NOC2L: variants seen among roughly 807,000 people sequenced by gnomAD.
The protein encoded by NOC2L is NOC2 like nucleolar associated transcriptional repressor, also known as nucleolar complex protein 2 homolog.
A neutral mutation model predicts 94.2 loss-of-function variants in NOC2L; 101 were observed. The ratio of observed to expected loss-of-function variants is 1.07; its 90% confidence interval spans 0.91 to 1.26. The LOEUF is 1.26. Ranked by LOEUF, NOC2L falls within the 50% of genes most tolerant of loss-of-function variation. The pLI, the probability that NOC2L is intolerant of heterozygous loss-of-function variation, is 0.00. For synonymous variants in NOC2L, 531 were observed against 413.4 expected, an observed-to-expected ratio of 1.28 and a Z score of -3.45; for missense variants, 1,076 against 980.1, an observed-to-expected ratio of 1.10 and a Z score of -1.31.
At chr1:951,272 C>A (rs370694561) in intron 11 of NOC2L, 34 bp from the exon 12 acceptor site, 2 of 1,480,886 alleles carry the variant, frequency 1.4e-6, no homozygotes, top group East Asian at 2.4e-5. Context: ...GCAGAGGCCC[C>A]GGCTCTGGCA....
In NOC2L at chr1:956,196, A is replaced by G. The variant is rs777542528; in HGVS notation, c.506T>C (p.Leu169Pro). The G allele has an allele frequency of 5.6e-6, 9 of 1,613,804 alleles. No homozygotes were observed. The highest frequency in any genetic ancestry group is 1.3e-5 in the African/African-American group (1 of 75,026). Residue 169 changes from leucine to proline, a missense_variant, in exon 5 of 19, where the codon CTG (leucine) becomes CCG (proline). Transcript: ENST00000327044. ...GAACGCCTGTACCACTTCATGGAACAGCTTTGGAGTGAGGCGTTGCTGAAG... is the reference window on the plus strand; with the variant it reads ...GAACGCCTGTACCACTTCATGGAACGGCTTTGGAGTGAGGCGTTGCTGAAG... The part of the protein sequence containing the change: ...QAAKQRLTPK[L>P]FHEVVQAFRA...
chr1:946,538 G>A lies in NOC2L; in HGVS notation c.1667C>T (p.Ser556Leu), dbSNP rs35471880. 96,481 of 1,611,394 alleles carry A rather than the reference G, an allele frequency of 0.06. 3,350 individuals carry two copies. Among genetic ancestry groups the A allele is most frequent in the Non-Finnish European group, 0.069 (81,330 of 1,178,562 alleles). ...GGCCACCTTGCACTCCCGGAGGAAC[G>A]ACTTCAGCTGCGGAAGGGAGGGGTC... ...LVLPVVLQLKSFLRECKVANY... is the reference protein window; with the variant it reads ...LVLPVVLQLKLFLRECKVANY... Residue 556 changes from serine to leucine, a missense_variant, in exon 15 of 19, where the codon TCG (serine) becomes TTG (leucine). Ser to Leu is a moderately radical substitution (Grantham distance 145). Transcript: ENST00000327044.
Position 944,372 on chromosome 1 carries a change from G to C in NOC2L, c.*322C>G. The C allele has an allele frequency of 7.4e-7, 1 of 1,358,466 alleles. No individual in the cohort carries two copies. The highest frequency in any genetic ancestry group is 2.7e-4 in the Middle Eastern group (1 of 3,722). 84.2% of individuals were successfully genotyped at this position (1,358,466 alleles called of 1,614,324 possible). A position where few individuals can be genotyped will look rare whatever the true frequency, so the allele number is the denominator to read the frequency against. On this transcript the variant is annotated 3_prime_UTR_variant, in exon 19 of 19. Coordinates refer to ENST00000327044, the MANE Select transcript of NOC2L (RefSeq NM_015658.4). ...GGACGAGGTCTGCAGACGGAGGGCA[G>C]AGGTGGTGGAAGGGGCCAGGGGCCT...
chr1:945,711 G>T (rs1642087649), intron 16 of NOC2L, 58 bp from the exon 17 acceptor site: 2 of 1,610,928 alleles, frequency 1.2e-6, no homozygotes, highest in African/African-American at 2.7e-5. Flanking sequence ...GGCGGCCACA[G>T]CAGGGCCAGG....
rs577530377 is a variant in NOC2L, at chr1:950,196, A to G, written c.1443+931T>C. Among the ~76,000 whole-genome samples the G allele has an allele frequency of 7.0e-4, 106 of 152,182 alleles. 1 individual carries two copies. Among genetic ancestry groups the G allele is most frequent in the Middle Eastern group, 3.4e-3 (1 of 294 alleles). On this transcript the variant is annotated intron_variant, in intron 12 of 18. Coordinates refer to ENST00000327044, the MANE Select transcript of NOC2L (RefSeq NM_015658.4). ...GACGTGCATGCATGCACCCAAGTGT[A>G]CAGGTACACGCACAGGTACACACGC...
At chr1:953,328 C>T in intron 8 of NOC2L, 40 bp from the exon 9 acceptor site, 1 of 1,248,332 alleles carries the variant, frequency 8.0e-7, no homozygotes, top group Non-Finnish European at 1.2e-6. Context: ...CCCCAGCCTC[C>T]TCAGCAGGGA....
intron 10 of NOC2L, 47 bp downstream of exon 10, chr1:952,365 G>A (rs1642282924): frequency 6.2e-7 from 1 of 1,600,786 alleles, no homozygotes; most frequent in African/African-American, 1.3e-5. Flanking sequence ...CACCTGGGCT[G>A]CCCCACCCCA....
chr1:951,095 A>G, intron 12 of NOC2L, 32 bp downstream of exon 12: 1 of 1,470,930 alleles, frequency 6.8e-7, no homozygotes, highest in Non-Finnish European at 9.3e-7. Flanking sequence ...GAGCAGGCAG[A>G]GGTGCCACAC....
chr1:952,211 G>C (rs1368961097), intron 10 of NOC2L, 72 bp from the exon 11 acceptor site: 3 of 1,561,884 alleles, frequency 1.9e-6, no homozygotes, highest in Non-Finnish European at 2.6e-6. Context: ...CTCCTGGGCC[G>C]GCACAGGAAT....
Position 944,257 on chromosome 1 carries a change from A to C in NOC2L, c.*437T>G. The stretch of plus-strand genomic sequence containing the variant: ...TTATTTCTTTCGGTTTCGGATGCAA[A>C]ACAAAAAATTTTAAAAGAAAATGTG... On this transcript the variant is annotated 3_prime_UTR_variant, in exon 19 of 19. Coordinates refer to ENST00000327044, the MANE Select transcript of NOC2L (RefSeq NM_015658.4). 1 of 1,458,228 alleles carries C rather than the reference A, an allele frequency of 6.9e-7. No homozygotes were observed. The highest frequency in any genetic ancestry group is 9.0e-7 in the Non-Finnish European group (1 of 1,107,314). The allele number at this position is 1,458,228 out of a possible 1,614,324, so 90.3% of individuals were successfully genotyped here.
rs571410564 is a variant in NOC2L at position 944,711 on chromosome 1, G to A, written c.2233C>T (p.Leu745Phe). ...GPEDELEDLQ[L>F]SEDD ...GGGCTGCCTCAGTCGTCCTCTGAGA[G>A]CTGCAGATCCTCCAGCTCGTCCTCC... The change falls in exon 19 of 19, where the codon CTC becomes TTC. Residue 745 changes from leucine to phenylalanine, a missense_variant. Physicochemically the swap from Leu to Phe is conservative, Grantham distance 22. This residue lies in a region of NOC2L where 615 missense variants were observed against 577.4 expected (regional missense o/e 1.07). Coordinates refer to ENST00000327044, the MANE Select transcript of NOC2L (RefSeq NM_015658.4). 4.1e-5 allele frequency: 65 copies of A among 1,598,562 alleles called. No individual in the cohort carries two copies. The highest frequency in any genetic ancestry group is 3.7e-4 in the Middle Eastern group (2 of 5,432).
chr1:945,076 C>G lies in NOC2L; in HGVS notation c.2124G>C (p.Glu708Asp), dbSNP rs775129618. 50 of 1,613,894 alleles carry G rather than the reference C, an allele frequency of 3.1e-5. No homozygotes were observed. Among genetic ancestry groups the G allele is most frequent in the Admixed American group, 1.2e-4 (7 of 59,966 alleles). The change falls in exon 18 of 19, where the codon GAG (glutamate) becomes GAC (aspartate). Residue 708 changes from glutamate (E) to aspartate (D), a missense_variant. Coordinates refer to ENST00000327044, the MANE Select transcript of NOC2L (RefSeq NM_015658.4). ...ATTCACCCTCCGAGTTGCTGCTGTC[C>G]TCCTCGCCCTCCTCCTCGTCCTCTT... Reference protein sequence around the residue: ...DDEEDEEEGEEDSSNSEDGDP... With the variant: ...DDEEDEEEGEDDSSNSEDGDP...
At position 945,097 on chromosome 1, in the gene NOC2L, C is replaced by CTCTTCATCGTCT. The variant is rs752411686; in HGVS notation, c.2091_2102dup (p.Asp699_Asp702dup). 27 of 1,613,762 alleles carry CTCTTCATCGTCT rather than the reference C, an allele frequency of 1.7e-5. No individual in the cohort carries two copies. Among genetic ancestry groups the CTCTTCATCGTCT allele is most frequent in the Non-Finnish European group, 2.3e-5 (27 of 1,179,916 alleles). On this transcript the variant is annotated inframe_insertion, in exon 18 of 19. Coordinates refer to ENST00000327044, the MANE Select transcript of NOC2L (RefSeq NM_015658.4). Reference sequence around the variant, plus strand: ...TGTCCTCCTCGCCCTCCTCCTCGTCCTCTTCATCGTCTTCCACCCCATGCC... The same window carrying CTCTTCATCGTCT: ...TGTCCTCCTCGCCCTCCTCCTCGTCCTCTTCATCGTCTTCTTCATCGTCTTCCACCCCATGCC...
At chr1:952,675 GA>G (rs1642292623) in intron 9 of NOC2L, 75 bp from the exon 10 acceptor site, 1 of 1,432,550 alleles carries the variant, frequency 7.0e-7, no homozygotes, top group Admixed American at 1.7e-5. Context: ...GGGCCCCTGT[GA>G]ACACCTGGGC....
chr1:958,440 T>C, intron 2 of NOC2L: 3 of 330,860 alleles, frequency 9.1e-6, no homozygotes, highest in Non-Finnish European at 1.8e-5. Flanking sequence ...AGTAGAGACA[T>C]GATTTTTCCG....
In NOC2L at chr1:957,020, G is replaced by A. The variant is rs201560908; in HGVS notation, c.360C>T (p.Ala120=). 45 of 1,614,086 alleles carry A rather than the reference G, an allele frequency of 2.8e-5. No individual in the cohort carries two copies. The East Asian group carries it at 8.5e-4, about 30-fold the overall frequency. Residue 120 remains alanine (A), a synonymous_variant, in exon 4 of 19, where the codon GCC becomes GCT. Coordinates refer to ENST00000327044, the MANE Select transcript of NOC2L (RefSeq NM_015658.4). ...CCTCCGCTCCATCCTCCTCCTCACT[G>A]GCTTCCTGCACAGAAAGGCTGAGCT... The part of the protein sequence containing the change: ...FHSLPDVLEE[A]SEEEDGAEEG...
In NOC2L at chr1:952,406, A is replaced by G. The variant is rs1459378689; in HGVS notation, c.1191+6T>C. 1.9e-6 allele frequency: 3 copies of G among 1,612,582 alleles called. No individual in the cohort carries two copies. The highest frequency in any genetic ancestry group is 2.5e-6 in the Non-Finnish European group (3 of 1,179,508). On this transcript the variant is annotated splice_donor_region_variant and intron_variant, in intron 10 of 18. Coordinates refer to ENST00000327044, the MANE Select transcript of NOC2L (RefSeq NM_015658.4). The stretch of plus-strand genomic sequence containing the variant: ...AGCATGAGCCTGGAAGGGCCCCACC[A>G]CACACCTTCTTGCGAGTGGTCATGG...
chr1:952,982 G>A (rs991445504), intron 9 of NOC2L, among the ~76,000 whole-genome samples, 193 bp downstream of exon 9: 3 of 152,166 alleles, frequency 2.0e-5, no homozygotes, highest in Admixed American at 6.5e-5. Context: ...CCCTGAGAAG[G>A]CCGAGGGCTC....
chr1:946,352 T>A (rs1642113557), intron 15 of NOC2L, 50 bp downstream of exon 15: 1 of 1,613,054 alleles, frequency 6.2e-7, no homozygotes, highest in African/African-American at 1.3e-5. Flanking sequence ...TAGCTGGGGC[T>A]ATACCCTGGC....
Sources: allele counts gnomAD v4.1 joint callset (sites outside exome capture counted in the v4.1 genomes callset), GRCh38; gene constraint gnomAD v4.1.1; regional missense constraint gnomAD v4.1.1; transcripts MANE v1.5; gene names NCBI Gene and HGNC (gene_info 2026-07-23, HGNC 2026-07-21).